The following USP10 variants were observed in gnomAD, a reference collection of about 807,000 sequenced individuals.
USP10 encodes the protein ubiquitin specific peptidase 10.
In USP10, 22 loss-of-function variants were observed where a neutral mutation model predicts 84.5. The ratio of observed to expected loss-of-function variants is 0.26; its 90% confidence interval spans 0.19 to 0.37. The LOEUF is 0.37. Ranked by LOEUF, USP10 falls within the 10% of genes least tolerant of loss-of-function variation. The probability of loss-of-function intolerance (pLI) is 1.00; values close to 1 mark genes in which losing one functional copy is unlikely to be tolerated. For synonymous variants in USP10, 454 were observed against 387.6 expected, an observed-to-expected ratio of 1.17 and a Z score of -2.01; for missense variants, 1,019 against 998.9, an observed-to-expected ratio of 1.02 and a Z score of -0.27.
chr16:84,754,228 A>G (rs886430898), intron 4 of USP10, among the ~76,000 whole-genome samples: 1 of 152,160 alleles, frequency 6.6e-6, no homozygotes, highest in Non-Finnish European at 1.5e-5. Context: ...AGGATTTAGG[A>G]TCATTATAAG....
At chr16:84,727,970 A>G (rs1025496092) in intron 1 of USP10, among the ~76,000 whole-genome samples, 13 of 152,218 alleles carry the variant, frequency 8.5e-5, no homozygotes, top group Non-Finnish European at 2.9e-5. Context: ...GTCTAGGGTC[A>G]GGAAATGTAT....
intron 1 of USP10, chr16:84,704,948 G>C (rs2090831979): frequency 6.6e-7 from 1 of 1,525,304 alleles, no homozygotes; most frequent in Non-Finnish European, 8.8e-7. Flanking sequence ...AGAATTGTTA[G>C]GAGAATGTGC....
chr16:84,734,754 A>G (rs547356048), intron 2 of USP10, among the ~76,000 whole-genome samples: 110 of 152,288 alleles, frequency 7.2e-4, no homozygotes, highest in African/African-American at 2.6e-3. Context: ...GTTTTCTTCT[A>G]AAAGTTTTCA....
At position 84,759,885 on chromosome 16, in the gene USP10, G is replaced by A. The variant is rs1238694912; in HGVS notation, c.1395-6G>A. The A allele has an allele frequency of 3.1e-6, 5 of 1,613,784 alleles. No individual in the cohort carries two copies. The African/African-American group carries it at 4.0e-5, about 13-fold the overall frequency. On this transcript the variant is annotated splice_region_variant and splice_polypyrimidine_tract_variant and intron_variant, in intron 6 of 13. Transcript: ENST00000219473. ...GCACTATTTAACATTTTTTCCCCAT[G>A]TTTAGTGTTCGGCTAATGAATGAGT...
intron 10 of USP10, among the ~76,000 whole-genome samples, chr16:84,765,974 C>T (rs11645315): frequency 0.065 from 9,911 of 152,258 alleles, 356 homozygotes; most frequent in Non-Finnish European, 0.073. Flanking sequence ...ACTGAAGAGG[C>T]CTCATTGGAG....
intron 1 of USP10, among the ~76,000 whole-genome samples, chr16:84,732,145 G>A (rs201523258): frequency 2.6e-5 from 4 of 152,148 alleles, no homozygotes; most frequent in Admixed American, 6.5e-5. Flanking sequence ...ATTCTTACCA[G>A]GAGGGTATTA....
chr16:84,742,081 A>G (rs1324125566), intron 3 of USP10, among the ~76,000 whole-genome samples: 1 of 152,090 alleles, frequency 6.6e-6, no homozygotes, highest in African/African-American at 2.4e-5. Context: ...TAATTTTTTT[A>G]TATTTTAATT....
intron 1 of USP10, among the ~76,000 whole-genome samples, chr16:84,713,362 C>T (rs555528001): frequency 6.6e-6 from 1 of 152,226 alleles, no homozygotes; most frequent in Non-Finnish European, 1.5e-5. Context: ...CATCTTCTTA[C>T]ACCCACTTTA....
intron 10 of USP10, among the ~76,000 whole-genome samples, chr16:84,764,931 G>GAGAGAAAAAA (rs11373757): frequency 0.026 from 1,001 of 39,208 alleles, 8 homozygotes; most frequent in Admixed American, 0.04. Context: ...GAGAGAGAGA[G>GAGAGAAAAAA]AAAAAAAAAT....
intron 1 of USP10, among the ~76,000 whole-genome samples, chr16:84,721,035 A>G (rs1907738969): frequency 6.6e-6 from 1 of 151,702 alleles, no homozygotes; most frequent in Non-Finnish European, 1.5e-5. Flanking sequence ...CCGGGAGTAC[A>G]GGTGCCCGCC....
At chr16:84,710,088 G>A (rs1385342872) in intron 1 of USP10, among the ~76,000 whole-genome samples, 1 of 152,088 alleles carries the variant, frequency 6.6e-6, no homozygotes, top group Non-Finnish European at 1.5e-5. Flanking sequence ...TGGCCAACAT[G>A]CTGAAACCCC....
chr16:84,734,537 C>G (rs56308535), intron 2 of USP10, among the ~76,000 whole-genome samples: 4,613 of 152,220 alleles, frequency 0.03, 214 homozygotes, highest in African/African-American at 0.1. Flanking sequence ...GCATCTGTTC[C>G]TAGCATGAGG....
In USP10 at chr16:84,768,375, T is replaced by C. The variant is rs763342269; in HGVS notation, c.1998+17T>C. The C allele has an allele frequency of 1.7e-5, 26 of 1,552,752 alleles. No homozygotes were observed. The South Asian group carries it at 2.8e-4, about 17-fold the overall frequency. ...AAACAAGAGGTATGTTCACACTTGA[T>C]TTTGAACCTTTCTACTAAGGTGCTC... On this transcript the variant is annotated intron_variant, in intron 11 of 13. Coordinates refer to ENST00000219473, the MANE Select transcript of USP10 (RefSeq NM_005153.3).
intron 6 of USP10, among the ~76,000 whole-genome samples, 153 bp downstream of exon 6, chr16:84,759,625 A>C (rs933185587): frequency 1.6e-4 from 24 of 152,180 alleles, no homozygotes; most frequent in Admixed American, 2.0e-4. Flanking sequence ...TTTTATATGG[A>C]AGTTAACCAG....
chr16:84,736,819 C>T (rs1485505628), intron 2 of USP10, among the ~76,000 whole-genome samples: 4 of 152,122 alleles, frequency 2.6e-5, no homozygotes, highest in African/African-American at 2.4e-5. Context: ...GAGGGAGTCT[C>T]GCTCTCTCGC....
chr16:84,760,093 G>A lies in USP10; in HGVS notation c.1451-79G>A, dbSNP rs1015861071. Reference sequence around the variant, plus strand: ...ACATTCAGCCAGGTGGGAGGTGGGGGAGTTTTGATGATGTTGCTTTTTTCA... The same window carrying A: ...ACATTCAGCCAGGTGGGAGGTGGGGAAGTTTTGATGATGTTGCTTTTTTCA... On this transcript the variant is annotated intron_variant, in intron 7 of 13. Coordinates refer to ENST00000219473, the MANE Select transcript of USP10 (RefSeq NM_005153.3). The A allele has an allele frequency of 1.3e-5, 19 of 1,511,974 alleles. No individual in the cohort carries two copies. The African/African-American group carries it at 1.9e-4, about 15-fold the overall frequency. The allele number at this position is 1,511,974 out of a possible 1,614,324, so 93.7% of individuals were successfully genotyped here.
chr16:84,721,122 C>G (rs1486572016), intron 1 of USP10, among the ~76,000 whole-genome samples: 2 of 151,934 alleles, frequency 1.3e-5, no homozygotes, highest in Non-Finnish European at 2.9e-5. Context: ...GAACTCCTGA[C>G]CTCAGGTGAT....
chr16:84,735,238 G>GA (rs1909778883), intron 2 of USP10, among the ~76,000 whole-genome samples: 1 of 134,644 alleles, frequency 7.4e-6, no homozygotes, highest in Non-Finnish European at 1.7e-5. Flanking sequence ...TGTGTGTGTG[G>GA]TGTGTGTGTT....
intron 1 of USP10, among the ~76,000 whole-genome samples, chr16:84,708,519 A>T (rs1353282408): frequency 6.6e-6 from 1 of 152,236 alleles, no homozygotes; most frequent in African/African-American, 2.4e-5. Flanking sequence ...CACTAGATTT[A>T]TGAGAGGACA....
Sources: allele counts gnomAD v4.1 joint callset (sites outside exome capture counted in the v4.1 genomes callset), GRCh38; gene constraint gnomAD v4.1.1; transcripts MANE v1.5; gene names NCBI Gene and HGNC (gene_info 2026-07-23, HGNC 2026-07-21).